The following JMY variants were observed in gnomAD, a reference collection of about 807,000 sequenced individuals.
JMY encodes the protein junction mediating and regulatory protein, p53 cofactor, also known as junction-mediating and -regulatory protein.
In JMY, 46 loss-of-function variants were observed where a neutral mutation model predicts 103.3. That is an observed-to-expected ratio of 0.45 (90% confidence interval 0.35 to 0.57). The LOEUF (loss-of-function observed/expected upper bound fraction) is 0.57, where lower values mean the gene tolerates loss of function less well. JMY is among the 20% of genes least tolerant of loss of function. JMY has a pLI of 0.00. For synonymous variants in JMY, 526 were observed against 489.3 expected (o/e 1.07, Z -0.99); for missense variants, 1,238 against 1,255.2 (o/e 0.99, Z 0.21).
At chr5:79,245,541 T>C (rs1221981560) in intron 1 of JMY, among the ~76,000 whole-genome samples, 2 of 152,166 alleles carry the variant, frequency 1.3e-5, no homozygotes, top group Non-Finnish European at 2.9e-5. Context: ...TTTTAGTTTA[T>C]AAAGTGAGGT....
intron 1 of JMY, among the ~76,000 whole-genome samples, chr5:79,274,348 G>A (rs571330567): frequency 6.6e-6 from 1 of 150,984 alleles, no homozygotes; most frequent in Middle Eastern, 3.2e-3. Context: ...ATCCATATCT[G>A]TTTCATCTTA....
chr5:79,286,639 TAAAAA>T, intron 2 of JMY, among the ~76,000 whole-genome samples: 1 of 135,114 alleles, frequency 7.4e-6, no homozygotes, highest in African/African-American at 2.7e-5. Flanking sequence ...CAAGACTCCA[TAAAAA>T]AAAAAAAAAA....
intron 2 of JMY, among the ~76,000 whole-genome samples, chr5:79,283,309 A>G (rs991593258): frequency 2.0e-5 from 3 of 152,182 alleles, no homozygotes; most frequent in African/African-American, 7.2e-5. Context: ...AGAATTTAAT[A>G]TAAAGAATTT....
chr5:79,237,747 G>C, intron 1 of JMY, 65 bp downstream of exon 1: 1 of 1,453,508 alleles, frequency 6.9e-7, no homozygotes, highest in South Asian at 1.3e-5. Context: ...CAAACCAAAG[G>C]CTGGAGCCTC....
At chr5:79,247,820 CTTTTGTAT>C (rs1205252017) in intron 1 of JMY, among the ~76,000 whole-genome samples, 1 of 150,200 alleles carries the variant, frequency 6.7e-6, no homozygotes, top group East Asian at 1.9e-4. Context: ...GCCTGGGTAA[CTTTTGTAT>C]TTTTGTATTT....
intron 1 of JMY, among the ~76,000 whole-genome samples, chr5:79,277,227 C>T (rs919126016): frequency 1.3e-5 from 2 of 152,018 alleles, no homozygotes; most frequent in South Asian, 2.1e-4. Context: ...ATGTCCAGCT[C>T]GTAGGCCAGT....
chr5:79,320,343 CTTT>C (rs869113484), intron 10 of JMY, among the ~76,000 whole-genome samples: 1 of 25,242 alleles, frequency 4.0e-5, no homozygotes. Context: ...CTGTGAGAGT[CTTT>C]TTTTTTTTTT....
rs1169094338 is a variant in JMY at position 79,286,852 on chromosome 5, T to TATATATA, written c.1207-3268_1207-3267insTATATAA. On this transcript the variant is annotated intron_variant, in intron 2 of 10. Coordinates refer to ENST00000396137, the MANE Select transcript of JMY (RefSeq NM_152405.5). ...AATCTAATATAAAGAATTTGTTAAT[T>TATATATA]AGGTATAAAGTTGTTAACCAGATAA... is the stretch of plus-strand genomic sequence containing the variant. Among the ~76,000 whole-genome samples, 19 of 152,304 alleles carry TATATATA rather than the reference T, an allele frequency of 1.2e-4. No homozygotes were observed. In the East Asian group the frequency reaches 3.1e-3, roughly 25 times the overall value.
chr5:79,265,229 A>G (rs1745551960), intron 1 of JMY, among the ~76,000 whole-genome samples: 1 of 152,138 alleles, frequency 6.6e-6, no homozygotes, highest in South Asian at 2.1e-4. Context: ...CGGCCAAAAA[A>G]CTGTTTTAGA....
intron 1 of JMY, among the ~76,000 whole-genome samples, chr5:79,240,544 G>A (rs1044990002): frequency 9.9e-5 from 15 of 152,084 alleles, no homozygotes; most frequent in African/African-American, 3.4e-4. Context: ...CCTGACCTCA[G>A]GTGATCTAAC....
chr5:79,317,994 GAAC>G (rs1216556333), intron 10 of JMY, among the ~76,000 whole-genome samples: 7 of 152,060 alleles, frequency 4.6e-5, no homozygotes, highest in Non-Finnish European at 7.4e-5. Flanking sequence ...ATTCTGAGTA[GAAC>G]AACAAAGAAA....
chr5:79,257,331 G>C (rs1449317547), intron 1 of JMY, among the ~76,000 whole-genome samples: 1 of 152,124 alleles, frequency 6.6e-6, no homozygotes, highest in African/African-American at 2.4e-5. Context: ...GGCTGGACAT[G>C]GTGGCTCATG....
rs1406362078 is a variant in JMY, at chr5:79,236,137, A to T, written c.-514A>T. On this transcript the variant is annotated 5_prime_UTR_variant, in exon 1 of 11. The change abolishes an upstream ATG in the 5' untranslated region. Transcript: ENST00000396137. ...TGGAGCCGCCGACGTCAGCAGTCGA[A>T]TGGCAACATTGTGGCGATGCTGAGG... 6.6e-6 allele frequency: 1 copy of T among 150,666 alleles called. No homozygotes were observed. The highest frequency in any genetic ancestry group is 1.5e-5 in the Non-Finnish European group (1 of 67,600). 9.3% of individuals were successfully genotyped at this position (150,666 alleles called of 1,614,324 possible).
intron 1 of JMY, among the ~76,000 whole-genome samples, chr5:79,256,922 A>G (rs1745262403): frequency 6.6e-6 from 1 of 152,048 alleles, no homozygotes; most frequent in Non-Finnish European, 1.5e-5. Flanking sequence ...CACCAGGCCC[A>G]GCCATAGCCA....
intron 1 of JMY, among the ~76,000 whole-genome samples, chr5:79,257,012 CTT>C (rs5868982): frequency 0.021 from 3,126 of 148,016 alleles, 130 homozygotes; most frequent in African/African-American, 0.073. Context: ...TCACCACTGC[CTT>C]TTTTTTTTGG....
chr5:79,249,566 T>G (rs956304700), intron 1 of JMY, among the ~76,000 whole-genome samples: 11 of 152,216 alleles, frequency 7.2e-5, no homozygotes, highest in Admixed American at 1.3e-4. Flanking sequence ...GTTCTATTTC[T>G]TGGTAGAAAT....
chr5:79,279,618 G>C (rs562969891), intron 2 of JMY, among the ~76,000 whole-genome samples: 1 of 152,288 alleles, frequency 6.6e-6, no homozygotes, highest in Non-Finnish European at 1.5e-5. Context: ...AAGGTTGTCT[G>C]TGTGTCTTAT....
chr5:79,265,060 G>T (rs1168562617), intron 1 of JMY, among the ~76,000 whole-genome samples: 1 of 152,038 alleles, frequency 6.6e-6, no homozygotes, highest in Non-Finnish European at 1.5e-5. Flanking sequence ...TGAGTAGCTG[G>T]GACTACAGGC....
At chr5:79,312,809 C>T (rs1280867237) in intron 8 of JMY, among the ~76,000 whole-genome samples, 1 of 152,132 alleles carries the variant, frequency 6.6e-6, no homozygotes, top group Non-Finnish European at 1.5e-5. Flanking sequence ...ACTGACTATC[C>T]AGCTCAAGCA....
Sources: allele counts gnomAD v4.1 joint callset (sites outside exome capture counted in the v4.1 genomes callset), GRCh38; gene constraint gnomAD v4.1.1; transcripts MANE v1.5; gene names NCBI Gene and HGNC (gene_info 2026-07-23, HGNC 2026-07-21).